The following JDP2 variants were observed in gnomAD, a reference collection of about 807,000 sequenced individuals.
JDP2 encodes the protein Jun dimerization protein 2, also known as progesterone receptor co-activator.
In JDP2, 9 loss-of-function variants were observed where a neutral mutation model predicts 17.1. That is an observed-to-expected ratio of 0.53 (90% confidence interval 0.32 to 0.92). The LOEUF (loss-of-function observed/expected upper bound fraction) is 0.92, where lower values mean the gene tolerates loss of function less well. Ranked by LOEUF, JDP2 falls within the 40% of genes least tolerant of loss-of-function variation. The pLI, the probability that JDP2 is intolerant of heterozygous loss-of-function variation, is 0.04. For missense variants in JDP2, 179 were observed against 220.0 expected (o/e 0.81, Z 1.18); for synonymous variants, 107 against 95.6 (o/e 1.12, Z -0.69).
intron 2 of JDP2, among the ~76,000 whole-genome samples, chr14:75,447,056 A>C (rs1422535118): frequency 6.6e-6 from 1 of 152,158 alleles, no homozygotes; most frequent in Non-Finnish European, 1.5e-5. Flanking sequence ...TTTAATATAG[A>C]ACTAGGGAGG....
intron 1 of JDP2, among the ~76,000 whole-genome samples, chr14:75,429,274 G>T (rs571570878): frequency 6.6e-6 from 1 of 152,332 alleles, no homozygotes; most frequent in South Asian, 2.1e-4. Context: ...TGCCCTCCCT[G>T]TTGGAATCCA....
chr14:75,468,541 C>T lies in JDP2; in HGVS notation c.307-749C>T, dbSNP rs1274214685. Among the ~76,000 whole-genome samples the T allele has an allele frequency of 2.6e-5, 4 of 152,200 alleles. No homozygotes were observed. The East Asian group carries it at 7.7e-4, about 29-fold the overall frequency. ...GATGGACATGTAACCCTCGCCACCT[C>T]CCGAATCAAATCGTCAACATTCCTT... On this transcript the variant is annotated intron_variant, in intron 3 of 3. Coordinates refer to ENST00000651602, the MANE Select transcript of JDP2 (RefSeq NM_001135048.2).
Position 75,469,597 on chromosome 14 carries a change from A to T in JDP2, c.*122A>T. ...CATGAAAAACTGTACAATGAGGTTC[A>T]GCACAGCCAGCATCAGCCGAGCTTT... On this transcript the variant is annotated 3_prime_UTR_variant, in exon 4 of 4. Coordinates refer to ENST00000651602, the MANE Select transcript of JDP2 (RefSeq NM_001135048.2). 1.2e-6 allele frequency: 1 copy of T among 803,440 alleles called. No individual in the cohort carries two copies. The highest frequency in any genetic ancestry group is 2.8e-5 in the East Asian group (1 of 36,130). 49.8% of individuals were successfully genotyped at this position (803,440 alleles called of 1,614,324 possible).
At chr14:75,448,410 A>C (rs1361609880) in intron 2 of JDP2, among the ~76,000 whole-genome samples, 1 of 152,184 alleles carries the variant, frequency 6.6e-6, no homozygotes, top group Non-Finnish European at 1.5e-5. Flanking sequence ...TGCTCTCTGC[A>C]CATGTAGAGC....
chr14:75,461,440 G>A lies in JDP2; in HGVS notation c.216G>A (p.Glu72=). 6.2e-7 allele frequency: 1 copy of A among 1,607,262 alleles called. No individual in the cohort carries two copies. Among genetic ancestry groups the A allele is most frequent in the Non-Finnish European group, 8.5e-7 (1 of 1,177,708 alleles). The part of the protein sequence containing the change: ...QPVKSELDEE[E]ERRKRRREKN... The stretch of plus-strand genomic sequence containing the variant: ...TGCCCTCACAGCTAGATGAGGAAGA[G>A]GAGCGAAGGAAAAGGCGCCGGGAGA... Residue 72 remains glutamate (E), a synonymous_variant, in exon 3 of 4, where the codon GAG becomes GAA. Coordinates refer to ENST00000651602, the MANE Select transcript of JDP2 (RefSeq NM_001135048.2).
chr14:75,442,149 A>C (rs1413853135), intron 2 of JDP2, among the ~76,000 whole-genome samples: 1 of 152,144 alleles, frequency 6.6e-6, no homozygotes, highest in African/African-American at 2.4e-5. Context: ...CTACAGATGA[A>C]TCTTGTTCAC....
rs902737574 is a variant in JDP2, at chr14:75,445,194, C to T, written c.201+7073C>T. The T allele has an allele frequency of 2.2e-5, 22 of 985,362 alleles. No individual in the cohort carries two copies. In the Middle Eastern group the frequency reaches 1.6e-3, roughly 70 times the overall value. The allele number at this position is 985,362 out of a possible 1,614,324, so 61.0% of individuals were successfully genotyped here. Reference sequence around the variant, plus strand: ...GCCATTTAAGTCTGTTTTCCTTCTACTGTGCCCAAAAGGCACAAGGCAACC... The same window carrying T: ...GCCATTTAAGTCTGTTTTCCTTCTATTGTGCCCAAAAGGCACAAGGCAACC... On this transcript the variant is annotated intron_variant, in intron 2 of 3. Coordinates refer to ENST00000651602, the MANE Select transcript of JDP2 (RefSeq NM_001135048.2).
intron 2 of JDP2, among the ~76,000 whole-genome samples, chr14:75,451,384 T>G: frequency 6.8e-6 from 1 of 146,172 alleles, no homozygotes; most frequent in African/African-American, 2.6e-5. Context: ...TGATCAAAAT[T>G]GGAGATAACA....
At chr14:75,453,144 G>A (rs1037258945) in intron 2 of JDP2, among the ~76,000 whole-genome samples, 1 of 149,862 alleles carries the variant, frequency 6.7e-6, no homozygotes, top group Non-Finnish European at 1.5e-5. Context: ...TCTTGTCCCT[G>A]AATTGCCCTA....
At chr14:75,452,283 C>G (rs1885899965) in intron 2 of JDP2, among the ~76,000 whole-genome samples, 2 of 152,204 alleles carry the variant, frequency 1.3e-5, no homozygotes, top group South Asian at 4.1e-4. Context: ...AGCTTGGCAG[C>G]CTCGGGCAGA....
chr14:75,442,091 C>T (rs1160239260), intron 2 of JDP2, among the ~76,000 whole-genome samples: 1 of 152,150 alleles, frequency 6.6e-6, no homozygotes, highest in Non-Finnish European at 1.5e-5. Context: ...AACTGGATGA[C>T]CTTTCAGGAA....
intron 3 of JDP2, 57 bp from the exon 4 acceptor site, chr14:75,469,233 C>T: frequency 6.5e-7 from 1 of 1,542,598 alleles, no homozygotes; most frequent in South Asian, 1.2e-5. Flanking sequence ...CAGGCAGAGC[C>T]TCTCCCCAGA....
intron 2 of JDP2, among the ~76,000 whole-genome samples, chr14:75,445,890 T>G (rs1327898884): frequency 6.6e-6 from 1 of 152,030 alleles, no homozygotes; most frequent in African/African-American, 2.4e-5. Flanking sequence ...TGAGAGAAAA[T>G]GTTTGCAAAT....
intron 3 of JDP2, among the ~76,000 whole-genome samples, chr14:75,465,591 A>G (rs968338069): frequency 6.6e-6 from 1 of 152,180 alleles, no homozygotes; most frequent in African/African-American, 2.4e-5. Flanking sequence ...CGGCCTCCCA[A>G]AGTTCTGGGA....
At chr14:75,464,736 C>T (rs763303291) in intron 3 of JDP2, among the ~76,000 whole-genome samples, 11 of 152,204 alleles carry the variant, frequency 7.2e-5, no homozygotes, top group East Asian at 1.9e-4. Flanking sequence ...TCTCAGAGTT[C>T]GCCTGCCTAG....
In JDP2 at chr14:75,469,772, G is replaced by A. The variant is rs1157000213; in HGVS notation, c.*297G>A. 1 of 321,132 alleles carries A rather than the reference G, an allele frequency of 3.1e-6. No individual in the cohort carries two copies. Among genetic ancestry groups the A allele is most frequent in the African/African-American group, 2.1e-5 (1 of 46,818 alleles). 19.9% of individuals were successfully genotyped at this position (321,132 alleles called of 1,614,324 possible). A position where few individuals can be genotyped will look rare whatever the true frequency, so the allele number is the denominator to read the frequency against. On this transcript the variant is annotated 3_prime_UTR_variant, in exon 4 of 4. Transcript: ENST00000651602. ...GGCAGGACAGAGGCACCGAGGCCAGGGAGACGCCCAACGAGGCAGCCCTGG... is the reference window on the plus strand; with the variant it reads ...GGCAGGACAGAGGCACCGAGGCCAGAGAGACGCCCAACGAGGCAGCCCTGG...
chr14:75,463,468 A>G (rs1252162016), intron 3 of JDP2, among the ~76,000 whole-genome samples: 1 of 151,970 alleles, frequency 6.6e-6, no homozygotes, highest in East Asian at 1.9e-4. Context: ...CGGCAGTGGG[A>G]TGGGAGGCAG....
chr14:75,451,264 G>GGGCT (rs1194483513), intron 2 of JDP2, among the ~76,000 whole-genome samples: 1 of 152,092 alleles, frequency 6.6e-6, no homozygotes, highest in Non-Finnish European at 1.5e-5. Context: ...GCCTCCTGGG[G>GGGCT]GACTGGGGCA....
intron 3 of JDP2, among the ~76,000 whole-genome samples, chr14:75,463,967 G>A (rs754802040): frequency 3.3e-5 from 5 of 152,220 alleles, no homozygotes; most frequent in Non-Finnish European, 5.9e-5. Flanking sequence ...TCCCTCTGGC[G>A]GCAATGTGGG....
Sources: allele counts gnomAD v4.1 joint callset (sites outside exome capture counted in the v4.1 genomes callset), GRCh38; gene constraint gnomAD v4.1.1; transcripts MANE v1.5; gene names NCBI Gene and HGNC (gene_info 2026-07-23, HGNC 2026-07-21).